AK3: variants seen among roughly 807,000 people sequenced by gnomAD.
The protein encoded by AK3 is adenylate kinase 3, also known as GTP:AMP phosphotransferase AK3, mitochondrial.
AK3 carries 27 observed loss-of-function variants against 23.7 expected under a neutral mutation model. That is an observed-to-expected ratio of 1.14 (90% CI 0.84 to 1.57). AK3 has a LOEUF of 1.57. AK3 is among the 40% of genes most tolerant of loss of function. AK3 has a pLI of 0.00. For missense variants in AK3, 406 were observed against 285.6 expected (o/e 1.42, Z -3.04); for synonymous variants, 159 against 116.0 (o/e 1.37, Z -2.38).
intron 2 of AK3, 61 bp downstream of exon 2, chr9:4,722,445 T>A (rs1841923023): frequency 6.2e-7 from 1 of 1,610,242 alleles, no homozygotes. Flanking sequence ...CATGAAATGC[T>A]CATTCTCCTG....
chr9:4,711,589 T>C lies in AK3; in HGVS notation c.*1387A>G, dbSNP rs896273214. The C allele has an allele frequency of 1.3e-5, 2 of 152,372 alleles. No individual in the cohort carries two copies. Among genetic ancestry groups the C allele is most frequent in the Non-Finnish European group, 2.9e-5 (2 of 68,034 alleles). 9.4% of individuals were successfully genotyped at this position (152,372 alleles called of 1,614,324 possible). ...GTACCTGGGAAAAAAACGGAACAGATTTTTAAAGGCAATAACGACTTGTAA... is the reference window on the plus strand; with the variant it reads ...GTACCTGGGAAAAAAACGGAACAGACTTTTAAAGGCAATAACGACTTGTAA... On this transcript the variant is annotated 3_prime_UTR_variant, in exon 5 of 5. Coordinates refer to ENST00000381809, the MANE Select transcript of AK3 (RefSeq NM_016282.4).
At chr9:4,725,472 T>G (rs1256654110) in intron 1 of AK3, among the ~76,000 whole-genome samples, 1 of 151,932 alleles carries the variant, frequency 6.6e-6, no homozygotes. Context: ...TCAAAGAACA[T>G]CATTAAGAAA....
intron 1 of AK3, among the ~76,000 whole-genome samples, chr9:4,732,106 T>A (rs1842167754): frequency 8.1e-6 from 1 of 123,042 alleles, no homozygotes; most frequent in Non-Finnish European, 1.9e-5. Flanking sequence ...CACACCACAA[T>A]GCCTGGCTAA....
At chr9:4,738,525 A>T (rs1024256195) in intron 1 of AK3, among the ~76,000 whole-genome samples, 4 of 152,068 alleles carry the variant, frequency 2.6e-5, no homozygotes, top group Admixed American at 2.0e-4. Context: ...AAATGAGAAT[A>T]AAAAAGTAAC....
At chr9:4,714,412 ACC>A (rs1188875290) in intron 4 of AK3, among the ~76,000 whole-genome samples, 7 of 152,062 alleles carry the variant, frequency 4.6e-5, no homozygotes, top group East Asian at 3.8e-4. Flanking sequence ...CTTAAATAAC[ACC>A]CACTGTTTTC....
intron 4 of AK3, among the ~76,000 whole-genome samples, chr9:4,714,668 A>T (rs1841672343): frequency 1.3e-5 from 2 of 152,194 alleles, no homozygotes; most frequent in Non-Finnish European, 2.9e-5. Flanking sequence ...AACATTTGTC[A>T]TTTTAATTTC....
intron 1 of AK3, among the ~76,000 whole-genome samples, chr9:4,725,090 T>G (rs910488740): frequency 1.3e-5 from 2 of 151,004 alleles, no homozygotes; most frequent in African/African-American, 4.9e-5. Flanking sequence ...TGATGTAATC[T>G]TGGCTCACTG....
intron 1 of AK3, among the ~76,000 whole-genome samples, chr9:4,727,639 C>A (rs954266210): frequency 6.6e-6 from 1 of 152,142 alleles, no homozygotes; most frequent in Non-Finnish European, 1.5e-5. Flanking sequence ...ATATCAACAA[C>A]AAGGTTGTTT....
At position 4,733,600 on chromosome 9, in the gene AK3, A is replaced by G. The variant is rs74723682; in HGVS notation, c.151+7337T>C. ...TGTTCCTCCCGCTCACCATCACTCA[A>G]TCTCTCTCCTCTTCAGTGAAGCATC... is the stretch of plus-strand genomic sequence containing the variant. On this transcript the variant is annotated intron_variant, in intron 1 of 4. Transcript: ENST00000381809. Among the ~76,000 whole-genome samples the G allele has an allele frequency of 1.1e-3, 172 of 152,268 alleles. 1 individual carries two copies. Among genetic ancestry groups the G allele is most frequent in the Middle Eastern group, 3.4e-3 (1 of 294 alleles).
chr9:4,735,284 C>T lies in AK3; in HGVS notation c.151+5653G>A, dbSNP rs1208837871. Among the ~76,000 whole-genome samples the T allele has an allele frequency of 1.4e-3, 52 of 36,994 alleles. 15 individuals are homozygous for T. The highest frequency in any genetic ancestry group is 2.0e-3 in the Admixed American group (5 of 2,542). The allele number at this position is 36,994 out of a possible 152,430, so 24.3% of individuals were successfully genotyped here. ...ATAAATATATATATAAATATATATA[C>T]ATATATAAATATATATATACATATA... On this transcript the variant is annotated intron_variant, in intron 1 of 4. Transcript: ENST00000381809.
In AK3 at chr9:4,735,282, T is replaced by TACACATATATAAATATAC; in HGVS notation, c.151+5654_151+5655insGTATATTTATATATGTGT. Among the ~76,000 whole-genome samples, 35 of 51,856 alleles carry TACACATATATAAATATAC rather than the reference T, an allele frequency of 6.7e-4. 8 individuals are homozygous for TACACATATATAAATATAC. The highest frequency in any genetic ancestry group is 3.1e-3 in the African/African-American group (35 of 11,472). 34.0% of individuals were successfully genotyped at this position (51,856 alleles called of 152,430 possible). ...ATATAAATATATATATAAATATATA[T>TACACATATATAAATATAC]ACATATATAAATATATATATACATA... On this transcript the variant is annotated intron_variant, in intron 1 of 4. Coordinates refer to ENST00000381809, the MANE Select transcript of AK3 (RefSeq NM_016282.4).
Position 4,712,310 on chromosome 9 carries a change from A to C in AK3, c.*666T>G, listed in dbSNP as rs1431653183. 2.0e-5 allele frequency: 3 copies of C among 152,216 alleles called. No homozygotes were observed. Among genetic ancestry groups the C allele is most frequent in the Non-Finnish European group, 4.4e-5 (3 of 68,036 alleles). 9.4% of individuals were successfully genotyped at this position (152,216 alleles called of 1,614,324 possible). A position where few individuals can be genotyped will look rare whatever the true frequency, so the allele number is the denominator to read the frequency against. On this transcript the variant is annotated 3_prime_UTR_variant, in exon 5 of 5. Transcript: ENST00000381809. Reference sequence around the variant, plus strand: ...GTACACAGGTATTTTCAAAGGAAACAAGTCATCTTAAAGTAATATTTTTCT... The same window carrying C: ...GTACACAGGTATTTTCAAAGGAAACCAGTCATCTTAAAGTAATATTTTTCT...
At chr9:4,741,839 C>G (rs1211956507), upstream of AK3, 1 of 152,138 alleles carries the variant, frequency 6.6e-6, no homozygotes, top group Non-Finnish European at 1.5e-5. Flanking sequence ...ACCGCCAGAC[C>G]CCCCGCTTCT....
In AK3 at chr9:4,718,440, T is replaced by G. The variant is rs151087607; in HGVS notation, c.542A>C (p.Lys181Thr). Residue 181 changes from lysine (K) to threonine (T), a missense_variant, in exon 4 of 5, where the codon AAG becomes ACG. Coordinates refer to ENST00000381809, the MANE Select transcript of AK3 (RefSeq NM_016282.4). ...KRLKAYEDQT[K>T]PVLEYYQKKG... ...TCACTGGTAATATTCCAGGACTGGC[T>G]TTGTTTGGTCTTCATAAGCCTTTAG... 1,183 of 1,612,694 alleles carry G rather than the reference T, an allele frequency of 7.3e-4. 9 individuals carry two copies. In the African/African-American group the frequency reaches 0.014, roughly 19 times the overall value.
In AK3 at chr9:4,712,961, T is replaced by A; in HGVS notation, c.*15A>T. 1 of 1,611,758 alleles carries A rather than the reference T, an allele frequency of 6.2e-7. No individual in the cohort carries two copies. The highest frequency in any genetic ancestry group is 2.2e-5 in the East Asian group (1 of 44,832). Reference sequence around the variant, plus strand: ...GTTTGCCCATCTTACTATTAATAGTTACACACATTTCTCCTCATGGAGTAA... The same window carrying A: ...GTTTGCCCATCTTACTATTAATAGTAACACACATTTCTCCTCATGGAGTAA... On this transcript the variant is annotated 3_prime_UTR_variant, in exon 5 of 5. Transcript: ENST00000381809.
At position 4,741,056 on chromosome 9, in the gene AK3, A is replaced by G; in HGVS notation, c.32T>C (p.Val11Ala). The G allele has an allele frequency of 6.4e-7, 1 of 1,564,168 alleles. No individual in the cohort carries two copies. The highest frequency in any genetic ancestry group is 8.6e-7 in the Non-Finnish European group (1 of 1,157,730). The change falls in exon 1 of 5, where the codon GTG (valine) becomes GCG (alanine). Residue 11 changes from valine to alanine, a missense_variant. By Grantham distance (64) the Val-to-Ala change is moderately conservative. Coordinates refer to ENST00000381809, the MANE Select transcript of AK3 (RefSeq NM_016282.4). MGASARLLRA[V>A]IMGAPGSGKG... ...GCCCGAGCCCGGGGCCCCCATGATC[A>G]CCGCTCGCAGCAGCCGCGCGGACGC...
chr9:4,712,891 C>T lies in AK3; in HGVS notation c.*85G>A. ...ATAATTTTCAAAGAATTCATACATA[C>T]TAGAAGTCTTAGGAAAAGCAGCTTC... On this transcript the variant is annotated 3_prime_UTR_variant, in exon 5 of 5. Coordinates refer to ENST00000381809, the MANE Select transcript of AK3 (RefSeq NM_016282.4). 1 of 1,445,084 alleles carries T rather than the reference C, an allele frequency of 6.9e-7. No homozygotes were observed. The allele number at this position is 1,445,084 out of a possible 1,614,324, so 89.5% of individuals were successfully genotyped here. A position where few individuals can be genotyped will look rare whatever the true frequency, so the allele number is the denominator to read the frequency against.
Position 4,712,781 on chromosome 9 carries a change from A to G in AK3, c.*195T>C. Reference sequence around the variant, plus strand: ...AGGATAACTGCATACAACACACTAGATGATTTCAAACGATGCATCTTAGTA... The same window carrying G: ...AGGATAACTGCATACAACACACTAGGTGATTTCAAACGATGCATCTTAGTA... On this transcript the variant is annotated 3_prime_UTR_variant, in exon 5 of 5. Transcript: ENST00000381809. 1.8e-6 allele frequency: 1 copy of G among 557,324 alleles called. No individual in the cohort carries two copies. Among genetic ancestry groups the G allele is most frequent in the Admixed American group, 3.4e-5 (1 of 29,556 alleles). The allele number at this position is 557,324 out of a possible 1,614,324, so 34.5% of individuals were successfully genotyped here.
At chr9:4,727,529 C>A (rs1342996399) in intron 1 of AK3, among the ~76,000 whole-genome samples, 2 of 152,224 alleles carry the variant, frequency 1.3e-5, no homozygotes, top group Admixed American at 6.5e-5. Flanking sequence ...TCAGCCTTCA[C>A]TGAAATGAAG....
Sources: allele counts gnomAD v4.1 joint callset (sites outside exome capture counted in the v4.1 genomes callset), GRCh38; gene constraint gnomAD v4.1.1; transcripts MANE v1.5; gene names NCBI Gene and HGNC (gene_info 2026-07-23, HGNC 2026-07-21).